UBR1: variants seen among roughly 807,000 people sequenced by gnomAD.
UBR1 encodes the protein E3 ubiquitin-protein ligase UBR1.
Under a neutral mutation model 242.1 loss-of-function variants are expected in UBR1, and 102 were observed. That is an observed-to-expected ratio of 0.42 (90% CI 0.36 to 0.50). UBR1 has a LOEUF of 0.50. UBR1 is among the 20% of genes least tolerant of loss of function. The pLI is 0.01. For missense variants in UBR1, 1,772 were observed against 2,101.8 expected, an observed-to-expected ratio of 0.84 and a Z score of 3.07; for synonymous variants, 675 against 684.8, an observed-to-expected ratio of 0.99 and a Z score of 0.22.
intron 39 of UBR1, among the ~76,000 whole-genome samples, chr15:42,975,745 G>T (rs1456791629): frequency 6.6e-6 from 1 of 151,598 alleles, no homozygotes; most frequent in African/African-American, 2.4e-5. Context: ...CCAGGCTGGA[G>T]TGCCATGGCG....
chr15:43,018,829 T>C (rs976784588), intron 27 of UBR1, among the ~76,000 whole-genome samples: 3 of 152,376 alleles, frequency 2.0e-5, no homozygotes, highest in Non-Finnish European at 4.4e-5. Flanking sequence ...GCTTTTCAGA[T>C]ATTTTGATAA....
At chr15:43,015,553 A>C (rs943436918) in intron 29 of UBR1, 135 bp downstream of exon 29, 1 of 979,496 alleles carries the variant, frequency 1.0e-6, no homozygotes, top group African/African-American at 1.6e-5. Context: ...ACCTTTGTTC[A>C]CTTGTTTATC....
chr15:43,054,887 T>A lies in UBR1; in HGVS notation c.1294A>T (p.Ile432Phe), dbSNP rs1414492122. 1 of 1,614,132 alleles carries A rather than the reference T, an allele frequency of 6.2e-7. No individual in the cohort carries two copies. The highest frequency in any genetic ancestry group is 8.5e-7 in the Non-Finnish European group (1 of 1,180,008). Residue 432 changes from isoleucine (I) to phenylalanine (F), a missense_variant, in exon 12 of 47, where the codon ATT (isoleucine) becomes TTT (phenylalanine). Physicochemically the swap from Ile to Phe is conservative, Grantham distance 21. This residue lies in a region of UBR1 where 734 missense variants were observed against 893.3 expected (regional missense o/e 0.82). Transcript: ENST00000290650. ...FTVPTLARHL[I>F]EEQNVISVIT... Reference sequence around the variant, plus strand: ...ACAGAGATAACATTCTGCTCTTCAATAAGATGTCGAGCCTGCGGAATATTT... The same window carrying A: ...ACAGAGATAACATTCTGCTCTTCAAAAAGATGTCGAGCCTGCGGAATATTT...
chr15:43,040,668 T>C (rs991937043), intron 15 of UBR1, among the ~76,000 whole-genome samples: 1 of 152,140 alleles, frequency 6.6e-6, no homozygotes, highest in Non-Finnish European at 1.5e-5. Context: ...ACCTACAGAA[T>C]GGGAGAAAAT....
chr15:42,985,296 C>G (rs1314639437), intron 35 of UBR1, among the ~76,000 whole-genome samples: 1 of 152,102 alleles, frequency 6.6e-6, no homozygotes, highest in African/African-American at 2.4e-5. Context: ...TAATTATAGC[C>G]TATTTTGTTT....
intron 3 of UBR1, among the ~76,000 whole-genome samples, chr15:43,079,054 G>A (rs1013579288): frequency 2.0e-5 from 3 of 152,192 alleles, no homozygotes; most frequent in Non-Finnish European, 1.5e-5. Context: ...GAATGAAAAT[G>A]AGATGAAGTA....
intron 4 of UBR1, among the ~76,000 whole-genome samples, chr15:43,072,540 T>C (rs2033835466): frequency 6.6e-6 from 1 of 152,242 alleles, no homozygotes; most frequent in South Asian, 2.1e-4. Context: ...CTAAATTCCT[T>C]GGTAGAACCT....
intron 39 of UBR1, among the ~76,000 whole-genome samples, chr15:42,972,404 T>C (rs2032221523): frequency 6.6e-6 from 1 of 152,194 alleles, no homozygotes. Context: ...AGTCTTGCTC[T>C]GTCACACAGA....
At chr15:43,059,402 A>G (rs1227959749) in intron 8 of UBR1, among the ~76,000 whole-genome samples, 1 of 152,148 alleles carries the variant, frequency 6.6e-6, no homozygotes, top group Non-Finnish European at 1.5e-5. Flanking sequence ...CTAAAAGTAC[A>G]TTTCCTATAA....
chr15:43,000,496 C>T (rs938021148), intron 32 of UBR1, among the ~76,000 whole-genome samples: 8 of 152,170 alleles, frequency 5.3e-5, no homozygotes, highest in African/African-American at 1.7e-4. Flanking sequence ...TGGAAAGTCA[C>T]TTTATTATGA....
chr15:43,018,515 G>A (rs1022969372), intron 27 of UBR1, among the ~76,000 whole-genome samples: 2 of 152,144 alleles, frequency 1.3e-5, no homozygotes, highest in Non-Finnish European at 2.9e-5. Context: ...AGCCTCTCAA[G>A]TAGCTGGGAC....
intron 12 of UBR1, 21 bp from the exon 13 acceptor site, chr15:43,048,512 GAAAT>G: frequency 6.4e-7 from 1 of 1,559,432 alleles, no homozygotes; most frequent in Non-Finnish European, 8.8e-7. Context: ...AAGAAAGAAA[GAAAT>G]ATTTCATTTA....
intron 38 of UBR1, among the ~76,000 whole-genome samples, chr15:42,977,245 A>C (rs1344311658): frequency 6.6e-6 from 1 of 152,270 alleles, no homozygotes; most frequent in East Asian, 1.9e-4. Flanking sequence ...ATTCTTTTCA[A>C]AGTTCCCCAG....
chr15:42,971,069 C>T (rs2032198925), intron 39 of UBR1, among the ~76,000 whole-genome samples: 2 of 152,152 alleles, frequency 1.3e-5, no homozygotes, highest in Admixed American at 1.3e-4. Context: ...GTTAGGTAAA[C>T]TTTATCTATA....
At chr15:43,000,819 T>C (rs969726286) in intron 32 of UBR1, among the ~76,000 whole-genome samples, 9 of 152,168 alleles carry the variant, frequency 5.9e-5, no homozygotes, top group African/African-American at 2.2e-4. Context: ...ATATTAGAGA[T>C]TAGAACAACT....
chr15:43,041,301 A>G (rs531151842), intron 15 of UBR1, among the ~76,000 whole-genome samples: 1 of 152,154 alleles, frequency 6.6e-6, no homozygotes, highest in Non-Finnish European at 1.5e-5. Flanking sequence ...TAGGGACATG[A>G]ATGAAGCTGG....
At chr15:43,068,610 A>G in intron 5 of UBR1, among the ~76,000 whole-genome samples, 1 of 151,354 alleles carries the variant, frequency 6.6e-6, no homozygotes, top group East Asian at 1.9e-4. Context: ...CAGTGACCGT[A>G]TGTTTTTGGG....
chr15:42,985,902 T>C (rs2141273789), intron 35 of UBR1, among the ~76,000 whole-genome samples: 1 of 142,570 alleles, frequency 7.0e-6, no homozygotes, highest in South Asian at 2.2e-4. Context: ...GGTGGGAGGA[T>C]CACCTGAGCC....
Position 43,052,212 on chromosome 15 carries a change from T to C in UBR1, c.1439+2530A>G, listed in dbSNP as rs528041184. Among the ~76,000 whole-genome samples the C allele has an allele frequency of 2.6e-5, 4 of 152,218 alleles. No individual in the cohort carries two copies. In the South Asian group the frequency reaches 8.3e-4, roughly 32 times the overall value. Reference sequence around the variant, plus strand: ...AGGTTCAGTAGAGAAGGACAATGATTTAGAAGGAATTTTAACCAACATGAA... The same window carrying C: ...AGGTTCAGTAGAGAAGGACAATGATCTAGAAGGAATTTTAACCAACATGAA... On this transcript the variant is annotated intron_variant, in intron 12 of 46. Coordinates refer to ENST00000290650, the MANE Select transcript of UBR1 (RefSeq NM_174916.3).
Sources: allele counts gnomAD v4.1 joint callset (sites outside exome capture counted in the v4.1 genomes callset), GRCh38; gene constraint gnomAD v4.1.1; regional missense constraint gnomAD v4.1.1; transcripts MANE v1.5; gene names NCBI Gene and HGNC (gene_info 2026-07-23, HGNC 2026-07-21).